The following DHX32 variants were observed in gnomAD, a reference collection of about 807,000 sequenced individuals.
DHX32 encodes the protein putative pre-mRNA-splicing factor ATP-dependent RNA helicase DHX32.
DHX32 carries 51 observed loss-of-function variants against 70.0 expected under a neutral mutation model. The observed-to-expected ratio is 0.73, with a 90% CI of 0.58 to 0.92. The LOEUF is 0.92. Ranked by LOEUF, DHX32 falls within the 40% of genes least tolerant of loss-of-function variation. DHX32 has a pLI of 0.00. For missense variants in DHX32, 762 were observed against 891.8 expected (o/e 0.85, Z 1.85); for synonymous variants, 310 against 315.3 (o/e 0.98, Z 0.18).
At chr10:125,878,427 T>A (rs1274844032) in intron 1 of DHX32, among the ~76,000 whole-genome samples, 1 of 152,176 alleles carries the variant, frequency 6.6e-6, no homozygotes, top group African/African-American at 2.4e-5. Flanking sequence ...CTTAACAGGG[T>A]TGTTCCCCAC....
upstream of DHX32, among the ~76,000 whole-genome samples, chr10:125,881,915 T>C (rs1246681100): frequency 1.3e-5 from 2 of 152,212 alleles, no homozygotes; most frequent in Non-Finnish European, 2.9e-5. Flanking sequence ...AGTGCTGGGA[T>C]TTCAAATGTG....
chr10:125,836,813 A>C lies in DHX32; in HGVS notation c.2106T>G (p.Pro702=). The change falls in exon 11 of 11, where the codon CCT becomes CCG. Residue 702 remains proline, a synonymous_variant. Transcript: ENST00000284690. ...GTAGAATGTCCTTACTTTCACTAGG[A>C]GGCAGATTACTGAAATAGTATTGTG... ...LVPQYYFSNL[P]PSESKDILQQ... 1 of 1,614,156 alleles carries C rather than the reference A, an allele frequency of 6.2e-7. No individual in the cohort carries two copies. Among genetic ancestry groups the C allele is most frequent in the Non-Finnish European group, 8.5e-7 (1 of 1,180,002 alleles).
chr10:125,841,274 T>C, intron 7 of DHX32: 2 of 1,614,118 alleles, frequency 1.2e-6, no homozygotes, highest in Non-Finnish European at 1.7e-6. Flanking sequence ...AAACCTGAGG[T>C]GCTTGGAGGT....
At chr10:125,882,309 G>A (rs1431853581), upstream of DHX32, among the ~76,000 whole-genome samples, 3 of 152,246 alleles carry the variant, frequency 2.0e-5, no homozygotes, top group Non-Finnish European at 2.9e-5. Flanking sequence ...TGCACTTTTC[G>A]GATCACCTGG....
At position 125,852,276 on chromosome 10, in the gene DHX32, T is replaced by C. The variant is rs1259093721; in HGVS notation, c.1351+17A>G. On this transcript the variant is annotated intron_variant, in intron 6 of 10. Transcript: ENST00000284690. ...ATCTCAGCCTAATGCCTGGCTGACA[T>C]GGGAGCATAAGGCTACCTGGTCTGT... The C allele has an allele frequency of 1.2e-6, 2 of 1,610,944 alleles. No homozygotes were observed. The highest frequency in any genetic ancestry group is 1.1e-5 in the South Asian group (1 of 90,974).
At chr10:125,894,882 C>G (rs944102577) in intron 1 of DHX32, among the ~76,000 whole-genome samples, 1 of 152,310 alleles carries the variant, frequency 6.6e-6, no homozygotes, top group South Asian at 2.1e-4. Flanking sequence ...ACTTGAGAAC[C>G]ACTGGATACA....
At chr10:125,889,482 G>C (rs75922442) in intron 1 of DHX32, among the ~76,000 whole-genome samples, 78 of 151,852 alleles carry the variant, frequency 5.1e-4, no homozygotes, top group African/African-American at 1.8e-3. Context: ...CGTCAACTCT[G>C]GTGCTGGTTT....
intron 1 of DHX32, 126 bp downstream of exon 1, chr10:125,880,417 T>A: frequency 1.0e-6 from 1 of 993,984 alleles, no homozygotes; most frequent in Non-Finnish European, 1.4e-6. Flanking sequence ...TTAATTATTT[T>A]ATCTGAATAA....
chr10:125,876,961 CTG>C (rs1226620266), intron 1 of DHX32, among the ~76,000 whole-genome samples: 1 of 151,988 alleles, frequency 6.6e-6, no homozygotes, highest in Non-Finnish European at 1.5e-5. Context: ...AATAAATACT[CTG>C]TTAAGTATTT....
chr10:125,837,885 G>A (rs770467942), intron 10 of DHX32, among the ~76,000 whole-genome samples: 58 of 152,122 alleles, frequency 3.8e-4, no homozygotes, highest in Non-Finnish European at 6.6e-4. Context: ...AACTGCAGTG[G>A]CTCTTGAAAG....
chr10:125,889,116 G>A (rs78589100), intron 1 of DHX32, among the ~76,000 whole-genome samples: 7 of 152,300 alleles, frequency 4.6e-5, no homozygotes, highest in Admixed American at 1.3e-4. Context: ...GGAAACATCC[G>A]TCTATATTGA....
intron 2 of DHX32, 130 bp from the exon 3 acceptor site, chr10:125,860,105 A>G: frequency 1.3e-6 from 1 of 787,610 alleles, no homozygotes; most frequent in Non-Finnish European, 1.9e-6. Flanking sequence ...CTGGGGCCAA[A>G]ATTCCTTTAA....
intron 4 of DHX32, among the ~76,000 whole-genome samples, chr10:125,852,861 G>T (rs572182875): frequency 6.6e-6 from 1 of 152,302 alleles, no homozygotes; most frequent in East Asian, 1.9e-4. Context: ...TTTCATTGTG[G>T]CTTCAATAAC....
intron 9 of DHX32, 61 bp from the exon 10 acceptor site, chr10:125,838,448 G>C: frequency 7.1e-7 from 1 of 1,404,142 alleles, no homozygotes; most frequent in African/African-American, 1.4e-5. Flanking sequence ...ATTATACAAA[G>C]ATGTTTGTTG....
In DHX32 at chr10:125,873,509, CCTTTA is replaced by C. The variant is rs760564619; in HGVS notation, c.283-6331_283-6327del. Among the ~76,000 whole-genome samples, 10 of 152,110 alleles carry C rather than the reference CCTTTA, an allele frequency of 6.6e-5. No individual in the cohort carries two copies. In the East Asian group the frequency reaches 1.2e-3, roughly 18 times the overall value. ...GCTACTGCCAAGGTCCCAATCACTC[CCTTTA>C]ATTTCAGTACCAGAAAAACAGAATC... On this transcript the variant is annotated intron_variant, in intron 1 of 10. Coordinates refer to ENST00000284690, the MANE Select transcript of DHX32 (RefSeq NM_018180.3).
In DHX32 at chr10:125,880,549, G is replaced by A. The variant is rs149156393; in HGVS notation, c.276C>T (p.Ser92=). 39 of 1,600,134 alleles carry A rather than the reference G, an allele frequency of 2.4e-5. No individual in the cohort carries two copies. The highest frequency in any genetic ancestry group is 6.8e-5 in the Admixed American group (4 of 58,658). Residue 92 remains serine, a synonymous_variant, in exon 1 of 11, where the codon AGC becomes AGT. Coordinates refer to ENST00000284690, the MANE Select transcript of DHX32 (RefSeq NM_018180.3). ...TTTTGTAGTGGTTACTCACCTGAGC[G>A]CTCTTACCACATTTAGCATCTCCTG... is the stretch of plus-strand genomic sequence containing the variant. ...IVSGDAKCGK[S]AQVPQWCAEY...
At chr10:125,853,844 C>T (rs772469177) in intron 4 of DHX32, 117 bp downstream of exon 4, 86 of 1,322,348 alleles carry the variant, frequency 6.5e-5, no homozygotes, top group African/African-American at 8.9e-5. Context: ...CCAAATTCAA[C>T]GAATCCCCAG....
chr10:125,889,378 AAG>A (rs1217758542), intron 1 of DHX32, among the ~76,000 whole-genome samples: 1 of 152,220 alleles, frequency 6.6e-6, no homozygotes, highest in Non-Finnish European at 1.5e-5. Flanking sequence ...TTTAGAAAAA[AAG>A]AAAGTTAATG....
At chr10:125,885,384 C>A (rs541243408), upstream of DHX32, among the ~76,000 whole-genome samples, 1 of 152,192 alleles carries the variant, frequency 6.6e-6, no homozygotes, top group South Asian at 2.1e-4. Context: ...GGAAGATTAT[C>A]CTGGACGATC....
Sources: allele counts gnomAD v4.1 joint callset (sites outside exome capture counted in the v4.1 genomes callset), GRCh38; gene constraint gnomAD v4.1.1; transcripts MANE v1.5; gene names NCBI Gene and HGNC (gene_info 2026-07-23, HGNC 2026-07-21).